The following CPA4 variants were observed in gnomAD, a reference collection of about 807,000 sequenced individuals.
The protein encoded by CPA4 is carboxypeptidase A3.
A neutral mutation model predicts 54.7 loss-of-function variants in CPA4; 49 were observed. The observed-to-expected ratio is 0.90, with a 90% CI of 0.71 to 1.14. CPA4 has a LOEUF of 1.14. Ranked by LOEUF, CPA4 falls within the 50% of genes most tolerant of loss-of-function variation. CPA4 has a pLI of 0.00. For missense variants in CPA4, 487 were observed against 525.1 expected (o/e 0.93, Z 0.71); for synonymous variants, 215 against 206.8 (o/e 1.04, Z -0.34).
intron 1 of CPA4, among the ~76,000 whole-genome samples, chr7:130,298,423 A>G (rs768852186): frequency 3.1e-4 from 47 of 152,356 alleles, no homozygotes; most frequent in African/African-American, 1.1e-3. Flanking sequence ...CGACCCGAAC[A>G]TAAGGGCTGT....
At chr7:130,296,035 T>C (rs6942830) in intron 1 of CPA4, among the ~76,000 whole-genome samples, 52,753 of 152,130 alleles carry the variant, frequency 0.35, 9,420 homozygotes, top group East Asian at 0.49. Flanking sequence ...TGTTCAGCAC[T>C]ATCTGAAGAC....
chr7:130,301,228 A>G (rs1007455854), intron 4 of CPA4, among the ~76,000 whole-genome samples: 1 of 152,152 alleles, frequency 6.6e-6, no homozygotes, highest in Non-Finnish European at 1.5e-5. Flanking sequence ...ACCCTACCAT[A>G]ATCCCTCTAT....
At chr7:130,308,501 C>T (rs751843312) in intron 8 of CPA4, 104 bp downstream of exon 8, 14 of 836,598 alleles carry the variant, frequency 1.7e-5, no homozygotes, top group Middle Eastern at 2.6e-4. Flanking sequence ...ACTTTGGTTC[C>T]GTTGCTGCGT....
chr7:130,311,551 G>A (rs1793914975), intron 9 of CPA4, among the ~76,000 whole-genome samples: 1 of 151,154 alleles, frequency 6.6e-6, no homozygotes, highest in Non-Finnish European at 1.5e-5. Context: ...TCTCAGGCAG[G>A]CACTCTACAC....
intron 8 of CPA4, among the ~76,000 whole-genome samples, chr7:130,309,914 T>C (rs926589143): frequency 5.9e-5 from 9 of 152,202 alleles, no homozygotes; most frequent in African/African-American, 1.7e-4. Context: ...TATAGGCGCA[T>C]GCCACAATGC....
chr7:130,317,683 T>C (rs1269927935), intron 10 of CPA4, among the ~76,000 whole-genome samples: 1 of 152,022 alleles, frequency 6.6e-6, no homozygotes, highest in Admixed American at 6.6e-5. Context: ...CTCAGACTGG[T>C]CTCAAACTCC....
chr7:130,321,835 A>G (rs1794109026), intron 10 of CPA4, among the ~76,000 whole-genome samples: 1 of 152,182 alleles, frequency 6.6e-6, no homozygotes, highest in Non-Finnish European at 1.5e-5. Context: ...CCCACAACAC[A>G]TGAGAATTAT....
chr7:130,307,507 C>A (rs556551950), intron 7 of CPA4, among the ~76,000 whole-genome samples: 1 of 151,694 alleles, frequency 6.6e-6, no homozygotes, highest in Non-Finnish European at 1.5e-5. Flanking sequence ...TGGTGGGTGC[C>A]TGTAGTCCCA....
chr7:130,293,923 C>T (rs570590894), intron 1 of CPA4, among the ~76,000 whole-genome samples: 11 of 152,126 alleles, frequency 7.2e-5, no homozygotes, highest in South Asian at 2.1e-4. Flanking sequence ...GTGCTCAACA[C>T]GCTCCATGCA....
At chr7:130,316,060 T>C (rs1793982883) in intron 10 of CPA4, among the ~76,000 whole-genome samples, 1 of 152,098 alleles carries the variant, frequency 6.6e-6, no homozygotes, top group South Asian at 2.1e-4. Flanking sequence ...ATTTGGTGTT[T>C]AGGATAAAAG....
At chr7:130,311,090 G>T (rs1234249185) in intron 9 of CPA4, 104 bp downstream of exon 9, 2 of 885,120 alleles carry the variant, frequency 2.3e-6, no homozygotes, top group Non-Finnish European at 3.7e-6. Context: ...AGGAGCCTAG[G>T]CATGTTTCAT....
intron 3 of CPA4, among the ~76,000 whole-genome samples, chr7:130,300,145 G>A (rs1290544786): frequency 6.6e-6 from 1 of 152,110 alleles, no homozygotes; most frequent in Non-Finnish European, 1.5e-5. Context: ...TTCAAAGCAC[G>A]AGTGGTTATA....
intron 10 of CPA4, among the ~76,000 whole-genome samples, chr7:130,312,403 C>T (rs1426166363): frequency 6.6e-6 from 1 of 152,148 alleles, no homozygotes; most frequent in Non-Finnish European, 1.5e-5. Context: ...GGGAGACTCC[C>T]TCATCTTCCT....
chr7:130,311,998 G>A, intron 9 of CPA4, 40 bp from the exon 10 acceptor site: 1 of 1,472,884 alleles, frequency 6.8e-7, no homozygotes, highest in Non-Finnish European at 9.5e-7. Flanking sequence ...TCAAGCTTCA[G>A]GATCGATTTT....
intron 10 of CPA4, among the ~76,000 whole-genome samples, chr7:130,320,644 AAGT>A (rs1794077818): frequency 6.6e-6 from 1 of 152,156 alleles, no homozygotes; most frequent in African/African-American, 2.4e-5. Context: ...ACTAGATCTG[AAGT>A]TGGTTGAGGA....
intron 1 of CPA4, among the ~76,000 whole-genome samples, chr7:130,295,053 C>T (rs1046159051): frequency 6.6e-6 from 1 of 152,182 alleles, no homozygotes; most frequent in Non-Finnish European, 1.5e-5. Flanking sequence ...GGGACAATGG[C>T]CAGGATGCCT....
intron 7 of CPA4, 152 bp downstream of exon 7, chr7:130,307,049 CA>C (rs1386418290): frequency 1.5e-6 from 1 of 666,370 alleles, no homozygotes; most frequent in Non-Finnish European, 2.7e-6. Context: ...TGAGAATCAC[CA>C]GGGGATATTT....
At chr7:130,312,362 G>A (rs1345531849) in intron 10 of CPA4, among the ~76,000 whole-genome samples, 3 of 152,272 alleles carry the variant, frequency 2.0e-5, no homozygotes, top group Middle Eastern at 3.4e-3. Flanking sequence ...CCACCTTTCA[G>A]TTGGTAAACT....
chr7:130,320,579 C>A (rs1370763442), intron 10 of CPA4, among the ~76,000 whole-genome samples: 1 of 152,132 alleles, frequency 6.6e-6, no homozygotes, highest in Non-Finnish European at 1.5e-5. Flanking sequence ...CTCTCAGGAA[C>A]CATGGAAAAG....
Sources: gnomAD v4.1 joint callset for allele counts (sites outside exome capture counted in the v4.1 genomes callset) on GRCh38, gnomAD v4.1.1 for gene constraint, MANE v1.5 for transcripts, NCBI Gene and HGNC (gene_info 2026-07-23, HGNC 2026-07-21) for gene names.